The following MAPK10 variants were observed in gnomAD, a reference collection of about 807,000 sequenced individuals.
MAPK10 encodes the protein JNK3 alpha protein kinase.
Under a neutral mutation model 59.3 loss-of-function variants are expected in MAPK10, and 25 were observed. The ratio of observed to expected loss-of-function variants is 0.42; its 90% CI spans 0.31 to 0.59. MAPK10 has a LOEUF of 0.59. Ranked by LOEUF, MAPK10 falls within the 20% of genes least tolerant of loss-of-function variation. The pLI is 0.15. For missense variants in MAPK10, 351 were observed against 568.9 expected (o/e 0.62, Z 3.90); for synonymous variants, 190 against 200.5 (o/e 0.95, Z 0.44).
At chr4:86,219,751 A>C (rs1017551009) in intron 2 of MAPK10, 3 of 152,142 alleles carry the variant, frequency 2.0e-5, no homozygotes, top group Non-Finnish European at 4.4e-5. Flanking sequence ...GTCTTTTATA[A>C]GAAAAATATT....
chr4:86,284,991 T>C (rs1377393539), intron 2 of MAPK10, among the ~76,000 whole-genome samples: 1 of 152,228 alleles, frequency 6.6e-6, no homozygotes, highest in African/African-American at 2.4e-5. Flanking sequence ...TGCAGTCTTA[T>C]TTACATGGCC....
At chr4:86,325,680 G>A (rs535738022) in intron 2 of MAPK10, among the ~76,000 whole-genome samples, 1 of 152,236 alleles carries the variant, frequency 6.6e-6, no homozygotes, top group South Asian at 2.1e-4. Context: ...ATGTAAAGCA[G>A]CTCTTAAGTA....
At chr4:86,104,335 A>C (rs1189476112) in intron 5 of MAPK10, among the ~76,000 whole-genome samples, 1 of 152,158 alleles carries the variant, frequency 6.6e-6, no homozygotes, top group Non-Finnish European at 1.5e-5. Context: ...TTAAAAATAC[A>C]AGATCATCTC....
chr4:86,367,307 A>C (rs1285064782), intron 1 of MAPK10, among the ~76,000 whole-genome samples: 1 of 152,176 alleles, frequency 6.6e-6, no homozygotes, highest in Non-Finnish European at 1.5e-5. Flanking sequence ...TACCATGTTC[A>C]CTATGATTTC....
chr4:86,097,455 C>T (rs764782473), intron 9 of MAPK10, among the ~76,000 whole-genome samples: 8 of 151,916 alleles, frequency 5.3e-5, no homozygotes, highest in African/African-American at 1.4e-4. Flanking sequence ...ACCTTTCTTA[C>T]ATAATAGAAG....
intron 1 of MAPK10, among the ~76,000 whole-genome samples, chr4:86,573,157 CAATTTTTT>C (rs1490432798): frequency 1.3e-5 from 2 of 151,988 alleles, no homozygotes; most frequent in African/African-American, 4.8e-5. Context: ...TCTAATTTTC[CAATTTTTT>C]AATAGTTGAT....
At chr4:86,366,337 T>A (rs1207222753) in intron 1 of MAPK10, among the ~76,000 whole-genome samples, 6 of 152,128 alleles carry the variant, frequency 3.9e-5, no homozygotes, top group African/African-American at 1.4e-4. Context: ...GTTATATGGG[T>A]ATATGCATTC....
chr4:86,140,107 T>C (rs2063285936), intron 4 of MAPK10, among the ~76,000 whole-genome samples: 1 of 127,756 alleles, frequency 7.8e-6, no homozygotes, highest in Non-Finnish European at 1.6e-5. Context: ...AGTTCAGCCA[T>C]TGTGGAAGTC....
At chr4:86,381,482 T>G (rs1440324696) in intron 1 of MAPK10, among the ~76,000 whole-genome samples, 1 of 152,172 alleles carries the variant, frequency 6.6e-6, no homozygotes, top group African/African-American at 2.4e-5. Flanking sequence ...CACTGACTCC[T>G]GGGACCTGCA....
upstream of MAPK10, among the ~76,000 whole-genome samples, chr4:86,363,591 A>T (rs554530556): frequency 2.0e-5 from 3 of 152,304 alleles, no homozygotes; most frequent in African/African-American, 7.2e-5. Context: ...TACAATGTGG[A>T]GTAATTAAAT....
intron 2 of MAPK10, among the ~76,000 whole-genome samples, chr4:86,255,644 G>GT (rs1476115989): frequency 7.0e-6 from 1 of 143,106 alleles, no homozygotes; most frequent in Non-Finnish European, 1.5e-5. Flanking sequence ...TCAAGGTTCT[G>GT]TTTAACTTTT....
At chr4:86,427,071 C>T (rs892675545) in intron 1 of MAPK10, among the ~76,000 whole-genome samples, 7 of 151,640 alleles carry the variant, frequency 4.6e-5, no homozygotes, top group South Asian at 2.1e-4. Context: ...TCCTGGTTAA[C>T]GCGGTGAAAC....
intron 4 of MAPK10, among the ~76,000 whole-genome samples, chr4:86,136,968 T>G (rs1245800261): frequency 6.6e-6 from 1 of 152,132 alleles, no homozygotes; most frequent in East Asian, 1.9e-4. Flanking sequence ...AGTGATCAAT[T>G]CAACAAGAAG....
intron 1 of MAPK10, among the ~76,000 whole-genome samples, chr4:86,367,651 GTT>G (rs545193325): frequency 3.5e-5 from 5 of 144,034 alleles, no homozygotes; most frequent in African/African-American, 1.0e-4. Flanking sequence ...GCAAGCATTT[GTT>G]TTTTTTTTTG....
At chr4:86,080,454 T>A (rs2050406018) in intron 9 of MAPK10, 1 of 151,928 alleles carries the variant, frequency 6.6e-6, no homozygotes, top group African/African-American at 2.4e-5. Context: ...ATAAAATAAA[T>A]TTCAATGTAA....
intron 1 of MAPK10, among the ~76,000 whole-genome samples, chr4:86,574,419 C>T (rs1256071456): frequency 6.6e-6 from 1 of 151,404 alleles, no homozygotes; most frequent in Non-Finnish European, 1.5e-5. Context: ...GGGCATATAC[C>T]CAGTAATGGG....
At chr4:86,446,153 G>A (rs75163305) in intron 1 of MAPK10, among the ~76,000 whole-genome samples, 1 of 152,082 alleles carries the variant, frequency 6.6e-6, no homozygotes. Context: ...CTCGATTATT[G>A]TTACAAGGTA....
intron 1 of MAPK10, among the ~76,000 whole-genome samples, chr4:86,451,935 C>T (rs1054342327): frequency 6.6e-6 from 1 of 152,086 alleles, no homozygotes; most frequent in Non-Finnish European, 1.5e-5. Context: ...GAAGAGAAAT[C>T]GAACACGATA....
intron 2 of MAPK10, among the ~76,000 whole-genome samples, chr4:86,227,281 A>T (rs1237360890): frequency 6.6e-6 from 1 of 152,090 alleles, no homozygotes; most frequent in African/African-American, 2.4e-5. Flanking sequence ...AGGTCAGGAG[A>T]TCGAGACCAT....
Sources: allele counts gnomAD v4.1 joint callset (sites outside exome capture counted in the v4.1 genomes callset), GRCh38; gene constraint gnomAD v4.1.1; transcripts MANE v1.5; gene names NCBI Gene and HGNC (gene_info 2026-07-23, HGNC 2026-07-21).